Variants in COL13A1 observed in about 807,000 individuals in gnomAD.
The protein encoded by COL13A1 is collagen type XIII alpha 1 chain.
COL13A1 carries 89 observed loss-of-function variants against 130.9 expected under a neutral mutation model. The ratio of observed to expected loss-of-function variants is 0.68; its 90% CI spans 0.57 to 0.81. The LOEUF (loss-of-function observed/expected upper bound fraction) is 0.81, where lower values mean the gene tolerates loss of function less well. Among genes scored for constraint, COL13A1 ranks in the 30% least tolerant of loss-of-function variants. The pLI, the probability that COL13A1 is intolerant of heterozygous loss-of-function variation, is 0.00. For missense variants in COL13A1, 879 were observed against 934.6 expected, an observed-to-expected ratio of 0.94 and a Z score of 0.78; for synonymous variants, 402 against 341.6, an observed-to-expected ratio of 1.18 and a Z score of -1.95.
At chr10:69,905,014 G>A in intron 16 of COL13A1, 55 bp downstream of exon 16, 1 of 1,542,082 alleles carries the variant, frequency 6.5e-7, no homozygotes. Context: ...CCTGCAGGAG[G>A]GAGGGGGAGG....
At chr10:69,957,120 T>C (rs1158152108) in intron 40 of COL13A1, 78 bp downstream of exon 40, 6 of 1,293,702 alleles carry the variant, frequency 4.6e-6, no homozygotes, top group African/African-American at 2.9e-5. Context: ...CATTCTGCCT[T>C]GCTACAGATG....
intron 35 of COL13A1, among the ~76,000 whole-genome samples, chr10:69,943,166 T>G (rs1346816441): frequency 6.6e-6 from 1 of 152,164 alleles, no homozygotes; most frequent in Non-Finnish European, 1.5e-5. Flanking sequence ...CTTTCTGCTG[T>G]GCTATTATGG....
At chr10:69,825,288 C>A (rs1052639882) in intron 2 of COL13A1, among the ~76,000 whole-genome samples, 2 of 152,226 alleles carry the variant, frequency 1.3e-5, no homozygotes, top group Admixed American at 1.3e-4. Flanking sequence ...TCATGCATTT[C>A]CGATTATCTC....
intron 31 of COL13A1, among the ~76,000 whole-genome samples, chr10:69,933,814 T>C (rs142399112): frequency 6.6e-6 from 1 of 152,282 alleles, no homozygotes; most frequent in East Asian, 1.9e-4. Context: ...ATAATACTAA[T>C]AGTAATAATA....
At chr10:69,883,907 G>C (rs987253465) in intron 7 of COL13A1, among the ~76,000 whole-genome samples, 1 of 152,218 alleles carries the variant, frequency 6.6e-6, no homozygotes, top group Admixed American at 6.5e-5. Flanking sequence ...GGCCTGGACT[G>C]GAGCAGAATC....
chr10:69,858,615 C>T (rs980282517), intron 2 of COL13A1, among the ~76,000 whole-genome samples: 1 of 152,164 alleles, frequency 6.6e-6, no homozygotes, highest in Non-Finnish European at 1.5e-5. Context: ...GGATGGAGTT[C>T]GTGATCAGTC....
intron 1 of COL13A1, among the ~76,000 whole-genome samples, chr10:69,819,414 G>A (rs1349903750): frequency 6.6e-6 from 1 of 152,180 alleles, no homozygotes; most frequent in Non-Finnish European, 1.5e-5. Flanking sequence ...ACATAGGAGG[G>A]GGAGTGAGGG....
At chr10:69,894,426 G>A (rs913370869) in intron 10 of COL13A1, 126 bp from the exon 11 acceptor site, 9 of 1,102,062 alleles carry the variant, frequency 8.2e-6, no homozygotes, top group African/African-American at 1.6e-5. Context: ...GGTGGGCATG[G>A]GAAGACCTGG....
intron 1 of COL13A1, among the ~76,000 whole-genome samples, chr10:69,818,298 G>A (rs571562009): frequency 1.8e-4 from 28 of 152,302 alleles, no homozygotes; most frequent in African/African-American, 6.7e-4. Flanking sequence ...CCTCCAGAGA[G>A]GACCTCAGCC....
At chr10:69,942,648 C>A (rs935388106) in intron 35 of COL13A1, among the ~76,000 whole-genome samples, 1 of 152,230 alleles carries the variant, frequency 6.6e-6, no homozygotes. Context: ...TCCTACGCGT[C>A]AGGCTCAGCA....
chr10:69,871,047 C>T (rs1234250393), intron 3 of COL13A1, among the ~76,000 whole-genome samples: 3 of 152,092 alleles, frequency 2.0e-5, no homozygotes, highest in South Asian at 2.1e-4. Context: ...TCAGAGTAGA[C>T]CCACTGCATG....
At chr10:69,898,062 G>T (rs922685419) in intron 13 of COL13A1, among the ~76,000 whole-genome samples, 4 of 152,102 alleles carry the variant, frequency 2.6e-5, no homozygotes, top group Non-Finnish European at 5.9e-5. Context: ...ATGTGCCCAC[G>T]CTGGCCTCAC....
chr10:69,889,732 A>T (rs2060978901), intron 10 of COL13A1, among the ~76,000 whole-genome samples: 1 of 151,874 alleles, frequency 6.6e-6, no homozygotes, highest in African/African-American at 2.4e-5. Context: ...CTCAAACCAC[A>T]CTCGCATGGG....
At chr10:69,927,182 G>T in intron 27 of COL13A1, 72 bp downstream of exon 27, 2 of 1,603,362 alleles carry the variant, frequency 1.2e-6, no homozygotes, top group Middle Eastern at 1.7e-4. Context: ...TGGAAGCAAG[G>T]ATTTGATTTC....
In COL13A1 at chr10:69,897,688, G is replaced by A. The variant is rs1253483023; in HGVS notation, c.685-1009G>A. On this transcript the variant is annotated intron_variant, in intron 13 of 40. Transcript: ENST00000645393. ...AAGGCAGCAGCTGTGACCTGGAAAGGCCACACTTGGGCTCCCCATCCCCAG... is the reference window on the plus strand; with the variant it reads ...AAGGCAGCAGCTGTGACCTGGAAAGACCACACTTGGGCTCCCCATCCCCAG... Among the ~76,000 whole-genome samples, 3 of 152,212 alleles carry A rather than the reference G, an allele frequency of 2.0e-5. No homozygotes were observed. In the East Asian group the frequency reaches 5.8e-4, roughly 29 times the overall value.
At chr10:69,937,772 G>A in intron 34 of COL13A1, 57 bp downstream of exon 34, 13 of 778,830 alleles carry the variant, frequency 1.7e-5, no homozygotes. Context: ...GGTGTGGGCT[G>A]GGACTGGGGG....
chr10:69,884,321 C>G (rs2060416851), intron 7 of COL13A1, among the ~76,000 whole-genome samples: 1 of 152,148 alleles, frequency 6.6e-6, no homozygotes, highest in African/African-American at 2.4e-5. Context: ...TTGGCAGGTG[C>G]TCTATGAGGC....
chr10:69,870,784 G>A (rs2058986116), intron 3 of COL13A1, among the ~76,000 whole-genome samples: 1 of 151,950 alleles, frequency 6.6e-6, no homozygotes, highest in South Asian at 2.1e-4. Flanking sequence ...CCATGGCACT[G>A]CAACATCCTG....
chr10:69,880,659 G>A, intron 7 of COL13A1, 106 bp downstream of exon 7: 1 of 1,203,120 alleles, frequency 8.3e-7, no homozygotes. Context: ...TGTGCCCCTG[G>A]GTGGGGAGGC....
Sources: gnomAD v4.1 joint callset for allele counts (sites outside exome capture counted in the v4.1 genomes callset) on GRCh38, gnomAD v4.1.1 for gene constraint, MANE v1.5 for transcripts, NCBI Gene and HGNC (gene_info 2026-07-23, HGNC 2026-07-21) for gene names.